Variants in SPATA16 observed in about 807,000 individuals in gnomAD.
SPATA16 encodes spermatogenesis-associated protein 16.
Under a neutral mutation model 63.3 loss-of-function variants are expected in SPATA16, and 36 were observed. The ratio of observed to expected loss-of-function variants is 0.57; its 90% CI spans 0.44 to 0.75. SPATA16 has a LOEUF of 0.75. Among genes scored for constraint, SPATA16 ranks in the 30% least tolerant of loss-of-function variants. The pLI, the probability that SPATA16 is intolerant of heterozygous loss-of-function variation, is 0.00. For synonymous variants in SPATA16, 203 were observed against 216.7 expected (o/e 0.94, Z 0.56); for missense variants, 646 against 679.3 (o/e 0.95, Z 0.54).
chr3:172,929,715 C>T (rs1202119974), intron 6 of SPATA16, among the ~76,000 whole-genome samples: 6 of 152,202 alleles, frequency 3.9e-5, no homozygotes, highest in Admixed American at 1.3e-4. Context: ...TATTTTTAAC[C>T]AAAAAATTGG....
chr3:173,106,254 A>G (rs1737620141), intron 2 of SPATA16, among the ~76,000 whole-genome samples: 1 of 151,920 alleles, frequency 6.6e-6, no homozygotes, highest in Non-Finnish European at 1.5e-5. Context: ...ATTTCTCCCT[A>G]TTTGTTCTTC....
intron 3 of SPATA16, among the ~76,000 whole-genome samples, chr3:173,025,933 A>G (rs1221920316): frequency 6.6e-6 from 1 of 152,004 alleles, no homozygotes; most frequent in Non-Finnish European, 1.5e-5. Flanking sequence ...ATGGTAAAAT[A>G]CAGGGGAGTG....
chr3:172,973,938 C>T (rs1021817443), intron 5 of SPATA16, among the ~76,000 whole-genome samples: 8 of 152,132 alleles, frequency 5.3e-5, no homozygotes, highest in African/African-American at 1.9e-4. Context: ...TTATTTTCAA[C>T]CCTCTCTAGC....
chr3:173,057,797 T>A (rs1194912289), intron 2 of SPATA16, among the ~76,000 whole-genome samples: 3 of 152,172 alleles, frequency 2.0e-5, no homozygotes, highest in Non-Finnish European at 2.9e-5. Flanking sequence ...AAACATTACA[T>A]CTATTAAATC....
At chr3:172,912,251 G>C (rs764249328) in intron 10 of SPATA16, among the ~76,000 whole-genome samples, 2 of 152,058 alleles carry the variant, frequency 1.3e-5, no homozygotes, top group African/African-American at 2.4e-5. Context: ...AGGCTATTCT[G>C]CCATTTGTTT....
chr3:173,120,420 G>C (rs1240270956), intron 1 of SPATA16, among the ~76,000 whole-genome samples: 2 of 152,150 alleles, frequency 1.3e-5, no homozygotes, highest in East Asian at 3.9e-4. Flanking sequence ...TCCACAGTAG[G>C]CTGTTAAAAA....
intron 2 of SPATA16, among the ~76,000 whole-genome samples, chr3:173,082,507 A>G (rs1188433241): frequency 6.6e-6 from 1 of 152,146 alleles, no homozygotes; most frequent in Non-Finnish European, 1.5e-5. Context: ...TAAACTGTTC[A>G]CTATCTCCCC....
At chr3:172,968,040 A>C (rs1733959015) in intron 5 of SPATA16, among the ~76,000 whole-genome samples, 1 of 152,178 alleles carries the variant, frequency 6.6e-6, no homozygotes. Context: ...GGTACCAAAA[A>C]GTTGGGGACC....
chr3:172,961,016 TTTTC>T (rs1252008483), intron 5 of SPATA16, among the ~76,000 whole-genome samples: 2 of 125,832 alleles, frequency 1.6e-5, no homozygotes, highest in Non-Finnish European at 3.3e-5. Context: ...CTTTCTTTCT[TTTTC>T]TCTCTTTCTC....
At chr3:173,061,130 C>T (rs1736369307) in intron 2 of SPATA16, among the ~76,000 whole-genome samples, 1 of 152,202 alleles carries the variant, frequency 6.6e-6, no homozygotes, top group African/African-American at 2.4e-5. Context: ...TTCACCACCT[C>T]TTCTTATCAA....
At chr3:173,088,022 CTTTCTTTCTT>C (rs1737109359) in intron 2 of SPATA16, among the ~76,000 whole-genome samples, 1 of 108,958 alleles carries the variant, frequency 9.2e-6, no homozygotes, top group Non-Finnish European at 1.9e-5. Flanking sequence ...TTCTTTCTTT[CTTTCTTTCTT>C]TCTTTCTTTC....
rs1415187060 is a variant in SPATA16 at position 173,058,119 on chromosome 3, CTCTA to C, written c.613-9029_613-9026del. Among the ~76,000 whole-genome samples the C allele has an allele frequency of 3.3e-5, 5 of 152,122 alleles. No homozygotes were observed. In the South Asian group the frequency reaches 6.2e-4, roughly 19 times the overall value. ...TAAATCTATATGAATTTCTATCTAT[CTCTA>C]TCCATCCATTTACAAAGATGGTATT... On this transcript the variant is annotated intron_variant, in intron 2 of 10. Transcript: ENST00000351008.
intron 6 of SPATA16, among the ~76,000 whole-genome samples, chr3:172,947,695 G>A (rs1355385994): frequency 2.0e-5 from 3 of 152,012 alleles, no homozygotes; most frequent in Admixed American, 6.6e-5. Context: ...ACCAAACACC[G>A]CACGTTCTCA....
At chr3:173,091,098 T>TCTG (rs2108319455) in intron 2 of SPATA16, among the ~76,000 whole-genome samples, 1 of 152,306 alleles carries the variant, frequency 6.6e-6, no homozygotes, top group East Asian at 1.9e-4. Context: ...TCTACCACCA[T>TCTG]CACTTCTGCA....
chr3:173,005,801 A>G (rs1734932478), intron 4 of SPATA16, among the ~76,000 whole-genome samples: 1 of 152,158 alleles, frequency 6.6e-6, no homozygotes, highest in Non-Finnish European at 1.5e-5. Flanking sequence ...TTACAGAAAA[A>G]ATATGTATCC....
intron 2 of SPATA16, among the ~76,000 whole-genome samples, chr3:173,100,479 T>A (rs907839497): frequency 1.3e-5 from 2 of 152,130 alleles, no homozygotes; most frequent in African/African-American, 4.8e-5. Context: ...TATAAAGGCA[T>A]CAGAAAGTGT....
chr3:172,975,529 A>G (rs952127909), intron 5 of SPATA16, among the ~76,000 whole-genome samples: 7 of 152,116 alleles, frequency 4.6e-5, no homozygotes, highest in African/African-American at 1.4e-4. Flanking sequence ...TTGTATAGCT[A>G]TAGCCCATAT....
intron 6 of SPATA16, among the ~76,000 whole-genome samples, chr3:172,949,067 T>C (rs1733364083): frequency 6.6e-6 from 1 of 152,082 alleles, no homozygotes; most frequent in Non-Finnish European, 1.5e-5. Flanking sequence ...AGGGAGTTGT[T>C]TGGGATTAAT....
At chr3:173,126,274 C>G (rs1162846456) in intron 1 of SPATA16, among the ~76,000 whole-genome samples, 1 of 152,180 alleles carries the variant, frequency 6.6e-6, no homozygotes, top group Admixed American at 6.5e-5. Flanking sequence ...TCCATGAGGA[C>G]TCAATTGTAT....
Sources: allele counts gnomAD v4.1 joint callset (sites outside exome capture counted in the v4.1 genomes callset), GRCh38; gene constraint gnomAD v4.1.1; transcripts MANE v1.5; gene names NCBI Gene and HGNC (gene_info 2026-07-23, HGNC 2026-07-21).